Variants in MAD1L1 observed in about 807,000 individuals in gnomAD.
MAD1L1 encodes the protein mitotic arrest deficient 1 like 1.
MAD1L1 carries 95 observed loss-of-function variants against 96.9 expected under a neutral mutation model. That is an observed-to-expected ratio of 0.98 (90% CI 0.83 to 1.16). The LOEUF is 1.16. MAD1L1 is among the 50% of genes most tolerant of loss of function. The probability of loss-of-function intolerance (pLI) is 0.00; values close to 1 mark genes in which losing one functional copy is unlikely to be tolerated. For synonymous variants in MAD1L1, 473 were observed against 396.6 expected, an observed-to-expected ratio of 1.19 and a Z score of -2.29; for missense variants, 1,007 against 954.4, an observed-to-expected ratio of 1.06 and a Z score of -0.73.
chr7:2,118,099 A>AC (rs1787801034), intron 11 of MAD1L1, among the ~76,000 whole-genome samples: 5 of 151,878 alleles, frequency 3.3e-5, no homozygotes, highest in Admixed American at 2.6e-4. Flanking sequence ...AGTGCCCCTT[A>AC]CCCACCCTCC....
At chr7:1,828,002 C>T (rs1205217303) in intron 18 of MAD1L1, among the ~76,000 whole-genome samples, 1 of 152,050 alleles carries the variant, frequency 6.6e-6, no homozygotes, top group African/African-American at 2.4e-5. Context: ...TGAGGAGGGC[C>T]GGAGATGCAG....
chr7:1,835,117 C>CAA (rs34734787), intron 18 of MAD1L1, among the ~76,000 whole-genome samples: 15 of 137,420 alleles, frequency 1.1e-4, no homozygotes, highest in African/African-American at 2.7e-4. Flanking sequence ...AGGCATTCCT[C>CAA]AAAAAAAAAA....
At chr7:2,160,915 AAG>A (rs1384693933) in intron 10 of MAD1L1, among the ~76,000 whole-genome samples, 2 of 152,224 alleles carry the variant, frequency 1.3e-5, no homozygotes, top group Admixed American at 1.3e-4. Context: ...ATTTTATAAA[AAG>A]AAAAATAATT....
chr7:2,072,921 A>G lies in MAD1L1; in HGVS notation c.1074-3583T>C, dbSNP rs374765825. Among the ~76,000 whole-genome samples the G allele has an allele frequency of 3.3e-5, 5 of 152,240 alleles. No individual in the cohort carries two copies. In the East Asian group the frequency reaches 5.8e-4, roughly 18 times the overall value. ...TGGGGCTGGAGTCCCCCCGCCACGC[A>G]GAGCAGATGTGAGTAACGCACACCC... On this transcript the variant is annotated intron_variant, in intron 11 of 18. Coordinates refer to ENST00000265854, the MANE Select transcript of MAD1L1 (RefSeq NM_001013836.2).
chr7:1,840,796 C>G (rs1048807190), intron 18 of MAD1L1, among the ~76,000 whole-genome samples: 18 of 152,218 alleles, frequency 1.2e-4, no homozygotes, highest in Non-Finnish European at 1.5e-5. Context: ...TTTTAGCGGC[C>G]TGGGCATGCG....
intron 16 of MAD1L1, among the ~76,000 whole-genome samples, chr7:1,951,767 G>A (rs1041643418): frequency 2.8e-4 from 42 of 152,148 alleles, no homozygotes; most frequent in Non-Finnish European, 5.6e-4. Flanking sequence ...GTGTCGGGAC[G>A]CGCCTCCTCC....
intron 17 of MAD1L1, among the ~76,000 whole-genome samples, chr7:1,905,605 T>C (rs1787579284): frequency 6.6e-6 from 1 of 152,224 alleles, no homozygotes; most frequent in Non-Finnish European, 1.5e-5. Flanking sequence ...CAGTAGCCTA[T>C]GGAAGATGCT....
chr7:2,179,417 A>C (rs1414100119), intron 10 of MAD1L1, among the ~76,000 whole-genome samples: 3 of 151,128 alleles, frequency 2.0e-5, no homozygotes, highest in Non-Finnish European at 4.4e-5. Context: ...AATCCCAGCC[A>C]CTCAGGAGGC....
chr7:1,879,118 A>G (rs1785539284), intron 18 of MAD1L1, among the ~76,000 whole-genome samples: 1 of 152,244 alleles, frequency 6.6e-6, no homozygotes, highest in Non-Finnish European at 1.5e-5. Context: ...GAGAAGGTAA[A>G]GACCTATATA....
chr7:2,123,304 CAA>C (rs56201563), intron 11 of MAD1L1, among the ~76,000 whole-genome samples: 15 of 108,702 alleles, frequency 1.4e-4, no homozygotes, highest in Non-Finnish European at 9.2e-5. Context: ...GACTCCATCT[CAA>C]AAAAAAAAAA....
chr7:1,935,214 A>G (rs1778520465), intron 17 of MAD1L1, among the ~76,000 whole-genome samples: 2 of 152,264 alleles, frequency 1.3e-5, no homozygotes, highest in Non-Finnish European at 2.9e-5. Context: ...AAACTTGCCA[A>G]TAACACCTGC....
chr7:1,951,403 A>C (rs1203596051), intron 16 of MAD1L1, among the ~76,000 whole-genome samples: 1 of 152,206 alleles, frequency 6.6e-6, no homozygotes, highest in Non-Finnish European at 1.5e-5. Flanking sequence ...ACTCCTAACA[A>C]GCTGCCTGCT....
intron 11 of MAD1L1, among the ~76,000 whole-genome samples, chr7:2,109,278 C>T (rs1269926228): frequency 3.3e-5 from 5 of 152,254 alleles, no homozygotes; most frequent in African/African-American, 1.2e-4. Context: ...CATGGATAGT[C>T]CCTGCCTTAA....
intron 18 of MAD1L1, among the ~76,000 whole-genome samples, chr7:1,884,236 G>C (rs1380495542): frequency 6.6e-6 from 1 of 152,236 alleles, no homozygotes; most frequent in East Asian, 1.9e-4. Context: ...TGGCTGAAGA[G>C]ACGTGGCCAC....
chr7:2,186,238 A>T (rs950076027), intron 10 of MAD1L1, among the ~76,000 whole-genome samples: 1 of 151,852 alleles, frequency 6.6e-6, no homozygotes, highest in Admixed American at 6.6e-5. Flanking sequence ...CACTTAAAAA[A>T]TATGTTTAAT....
intron 18 of MAD1L1, among the ~76,000 whole-genome samples, chr7:1,838,080 C>T (rs1783031202): frequency 6.6e-6 from 1 of 152,204 alleles, no homozygotes; most frequent in South Asian, 2.1e-4. Flanking sequence ...TATTCCTAAC[C>T]CCGTGCAGGG....
At chr7:2,187,070 G>A (rs1055091248) in intron 10 of MAD1L1, among the ~76,000 whole-genome samples, 1 of 152,142 alleles carries the variant, frequency 6.6e-6, no homozygotes, top group Non-Finnish European at 1.5e-5. Flanking sequence ...TGGGACTACA[G>A]GCGTGAGTCA....
intron 12 of MAD1L1, among the ~76,000 whole-genome samples, chr7:2,063,124 G>A (rs973202825): frequency 2.0e-5 from 3 of 152,260 alleles, no homozygotes; most frequent in East Asian, 3.8e-4. Flanking sequence ...CTGGGACTGA[G>A]ACACGGGAAC....
intron 18 of MAD1L1, among the ~76,000 whole-genome samples, chr7:1,886,162 G>A (rs992009262): frequency 2.6e-5 from 4 of 152,208 alleles, no homozygotes; most frequent in Non-Finnish European, 4.4e-5. Flanking sequence ...GGCACCTGGC[G>A]GCAAGCTCTG....
Sources: allele counts gnomAD v4.1 joint callset (sites outside exome capture counted in the v4.1 genomes callset), GRCh38; gene constraint gnomAD v4.1.1; transcripts MANE v1.5; gene names NCBI Gene and HGNC (gene_info 2026-07-23, HGNC 2026-07-21).